Variants in PTPRT observed in about 807,000 individuals in gnomAD.
PTPRT encodes protein tyrosine phosphatase receptor type T, also known as receptor-type tyrosine-protein phosphatase T.
Under a neutral mutation model 176.8 loss-of-function variants are expected in PTPRT, and 56 were observed. That is an observed-to-expected ratio of 0.32 (90% CI 0.26 to 0.40). PTPRT has a LOEUF of 0.40. PTPRT is among the 10% of genes least tolerant of loss of function. The probability of loss-of-function intolerance (pLI) is 1.00; values close to 1 mark genes in which losing one functional copy is unlikely to be tolerated. For synonymous variants in PTPRT, 783 were observed against 739.0 expected (o/e 1.06, Z -0.96); for missense variants, 1,540 against 1,908.2 (o/e 0.81, Z 3.60).
At chr20:42,042,885 T>C in the PTPRT span, among the ~76,000 whole-genome samples, 1 of 152,256 alleles carries the variant, frequency 6.6e-6, no homozygotes, top group Non-Finnish European at 1.5e-5. Context: ...TCCATGGGGA[T>C]GGGCACCCCA....
At chr20:42,838,008 G>A (rs1312399368) in intron 2 of PTPRT, among the ~76,000 whole-genome samples, 1 of 152,170 alleles carries the variant, frequency 6.6e-6, no homozygotes, top group Non-Finnish European at 1.5e-5. Flanking sequence ...TGGAGTACCA[G>A]GCCCTCACGT....
chr20:42,754,749 T>G (rs1225340179), intron 6 of PTPRT, among the ~76,000 whole-genome samples: 1 of 152,236 alleles, frequency 6.6e-6, no homozygotes, highest in East Asian at 1.9e-4. Flanking sequence ...TAAGTGTTCA[T>G]GGCATTGTGG....
chr20:42,231,551 T>C (rs1452371343), intron 15 of PTPRT, among the ~76,000 whole-genome samples: 20 of 152,224 alleles, frequency 1.3e-4, no homozygotes, highest in Admixed American at 1.3e-3. Context: ...TATTCACTTT[T>C]GTGCCTGCAA....
At chr20:42,622,911 TG>T (rs1381264441) in intron 7 of PTPRT, among the ~76,000 whole-genome samples, 4 of 152,198 alleles carry the variant, frequency 2.6e-5, no homozygotes, top group African/African-American at 9.6e-5. Context: ...TTCCTGTTTT[TG>T]CATCCAAAAA....
chr20:42,699,421 C>T (rs1226355702), intron 6 of PTPRT, among the ~76,000 whole-genome samples: 1 of 152,122 alleles, frequency 6.6e-6, no homozygotes, highest in East Asian at 1.9e-4. Context: ...ATAAGGTGCA[C>T]ACTCATGGAT....
At chr20:42,321,997 C>T (rs6093618) in intron 11 of PTPRT, among the ~76,000 whole-genome samples, 51,928 of 151,734 alleles carry the variant, frequency 0.34, 10,132 homozygotes, top group African/African-American at 0.55. Flanking sequence ...GCCGTGAACC[C>T]GGAAGGCAGA....
chr20:42,151,261 C>T (rs1335173722), intron 17 of PTPRT, among the ~76,000 whole-genome samples: 1 of 152,068 alleles, frequency 6.6e-6, no homozygotes, highest in Non-Finnish European at 1.5e-5. Flanking sequence ...GTTTCAAGCC[C>T]CGCATACATT....
At chr20:42,477,645 C>T (rs925943119) in intron 7 of PTPRT, among the ~76,000 whole-genome samples, 2 of 152,110 alleles carry the variant, frequency 1.3e-5, no homozygotes, top group Non-Finnish European at 2.9e-5. Context: ...ATTTACATCC[C>T]CCGTGTAAAT....
chr20:43,146,529 G>A (rs1487168930), intron 1 of PTPRT, among the ~76,000 whole-genome samples: 3 of 148,978 alleles, frequency 2.0e-5, no homozygotes, highest in Non-Finnish European at 3.0e-5. Context: ...TGGATGTCAC[G>A]ACAAAATAAA....
At chr20:42,665,383 C>T (rs1217958624) in intron 7 of PTPRT, among the ~76,000 whole-genome samples, 2 of 152,114 alleles carry the variant, frequency 1.3e-5, no homozygotes, top group Non-Finnish European at 2.9e-5. Flanking sequence ...CAAATCAAAA[C>T]CACAATGAGA....
chr20:42,593,539 G>A (rs575186632), intron 7 of PTPRT, among the ~76,000 whole-genome samples: 1 of 152,260 alleles, frequency 6.6e-6, no homozygotes, highest in South Asian at 2.1e-4. Flanking sequence ...TATCTAATCT[G>A]TTAAAACCAG....
At chr20:42,585,881 T>A (rs972072210) in intron 7 of PTPRT, among the ~76,000 whole-genome samples, 3 of 152,200 alleles carry the variant, frequency 2.0e-5, no homozygotes, top group African/African-American at 7.2e-5. Context: ...TGTAACAATA[T>A]GTAACATGTC....
rs2078396689 is a variant in PTPRT, at chr20:42,847,594, A to G, written c.214+38213T>C. 2.0e-5 allele frequency among the ~76,000 whole-genome samples: 3 copies of G among 152,204 alleles called. No individual in the cohort carries two copies. In the South Asian group the frequency reaches 6.2e-4, roughly 32 times the overall value. On this transcript the variant is annotated intron_variant, in intron 2 of 30. Transcript: ENST00000373187. ...GGCATCAACTTGGATATACATGTTC[A>G]GCCCTCATCACTGGGACACTAAATG...
At chr20:42,541,098 A>T (rs1255353722) in intron 7 of PTPRT, among the ~76,000 whole-genome samples, 2 of 152,208 alleles carry the variant, frequency 1.3e-5, no homozygotes, top group East Asian at 3.8e-4. Context: ...TGATGATTTA[A>T]ACTATGCGCA....
At chr20:42,266,221 G>T (rs2146982546) in intron 13 of PTPRT, among the ~76,000 whole-genome samples, 1 of 152,296 alleles carries the variant, frequency 6.6e-6, no homozygotes, top group East Asian at 1.9e-4. Context: ...CAGTTTTAAG[G>T]AATGGAGTTT....
At position 42,565,770 on chromosome 20, in the gene PTPRT, G is replaced by A. The variant is rs62203783; in HGVS notation, c.1154-93208C>T. On this transcript the variant is annotated intron_variant, in intron 7 of 30. Coordinates refer to ENST00000373187, the MANE Select transcript of PTPRT (RefSeq NM_007050.6). Reference sequence around the variant, plus strand: ...CGCATTGGTGTGGGAGCCGGGGCAGGGAGTGGGGTTTGAGCTCCTGCAGCA... The same window carrying A: ...CGCATTGGTGTGGGAGCCGGGGCAGAGAGTGGGGTTTGAGCTCCTGCAGCA... Among the ~76,000 whole-genome samples the A allele has an allele frequency of 7.7e-3, 1,167 of 152,230 alleles. 9 individuals are homozygous for A. The highest frequency in any genetic ancestry group is 0.013 in the Admixed American group (193 of 15,282).
At chr20:42,064,661 A>G in the PTPRT span, among the ~76,000 whole-genome samples, 1 of 152,300 alleles carries the variant, frequency 6.6e-6, no homozygotes, top group South Asian at 2.1e-4. Context: ...TTTTCTTATC[A>G]GTCTTAATAG....
At chr20:43,075,183 G>A (rs1452388638) in intron 1 of PTPRT, among the ~76,000 whole-genome samples, 1 of 152,204 alleles carries the variant, frequency 6.6e-6, no homozygotes, top group South Asian at 2.1e-4. Flanking sequence ...AAAGTTTTAA[G>A]AACTATGAGT....
chr20:42,121,695 TTTTA>T (rs1200559807), intron 19 of PTPRT, among the ~76,000 whole-genome samples: 578 of 47,340 alleles, frequency 0.012, 4 homozygotes, highest in Admixed American at 0.059. Context: ...TAAAGAAATT[TTTTA>T]TATATATATA....
Sources: allele counts gnomAD v4.1 joint callset (sites outside exome capture counted in the v4.1 genomes callset), GRCh38; gene constraint gnomAD v4.1.1; transcripts MANE v1.5; gene names NCBI Gene and HGNC (gene_info 2026-07-23, HGNC 2026-07-21).